Variants in CCDC92 observed in about 807,000 individuals in gnomAD.
CCDC92 encodes coiled-coil domain-containing protein 92.
Under a neutral mutation model 24.9 loss-of-function variants are expected in CCDC92, and 12 were observed. The observed-to-expected ratio is 0.48, with a 90% CI of 0.31 to 0.78. The LOEUF (loss-of-function observed/expected upper bound fraction) is 0.78, where lower values mean the gene tolerates loss of function less well. CCDC92 is among the 30% of genes least tolerant of loss of function. CCDC92 has a pLI of 0.05. For synonymous variants in CCDC92, 193 were observed against 196.3 expected, an observed-to-expected ratio of 0.98 and a Z score of 0.14; for missense variants, 399 against 439.4, an observed-to-expected ratio of 0.91 and a Z score of 0.82.
At chr12:123,947,883 C>T (rs1306578563) in intron 1 of CCDC92, among the ~76,000 whole-genome samples, 2 of 152,188 alleles carry the variant, frequency 1.3e-5, no homozygotes, top group Non-Finnish European at 2.9e-5. Context: ...TTTGTGTCCA[C>T]GCTGCTTTTA....
intron 1 of CCDC92, among the ~76,000 whole-genome samples, chr12:123,965,520 G>A (rs921753110): frequency 3.9e-5 from 6 of 152,144 alleles, no homozygotes; most frequent in Admixed American, 2.6e-4. Context: ...CATTTCTCAC[G>A]GCCCTCATGT....
intron 1 of CCDC92, among the ~76,000 whole-genome samples, chr12:123,959,300 A>G (rs1956220404): frequency 1.3e-5 from 2 of 152,046 alleles, no homozygotes; most frequent in African/African-American, 4.8e-5. Flanking sequence ...CAGCCACACC[A>G]AATGTCTGAC....
At chr12:123,954,841 C>T (rs911869704) in intron 1 of CCDC92, among the ~76,000 whole-genome samples, 1 of 152,336 alleles carries the variant, frequency 6.6e-6, no homozygotes, top group African/African-American at 2.4e-5. Flanking sequence ...GGCCAGCGGG[C>T]GGCAGACCCC....
intron 1 of CCDC92, chr12:123,945,805 T>C (rs1157163901): frequency 6.6e-6 from 1 of 152,260 alleles, no homozygotes; most frequent in Non-Finnish European, 1.5e-5. Flanking sequence ...TGTTGGCTGA[T>C]GGAAGAAGCA....
intron 1 of CCDC92, among the ~76,000 whole-genome samples, chr12:123,948,923 A>C (rs1955952424): frequency 6.6e-6 from 1 of 152,188 alleles, no homozygotes; most frequent in South Asian, 2.1e-4. Flanking sequence ...TGATGATGTC[A>C]TGCTCCCAGT....
chr12:123,971,711 GCATGAAAACCTA>G (rs1478835154), intron 1 of CCDC92: 2 of 152,268 alleles, frequency 1.3e-5, no homozygotes, highest in Non-Finnish European at 2.9e-5. Context: ...ATACAGGTCA[GCATGAAAACCTA>G]AGTTAGAGAA....
At chr12:123,944,029 C>T in intron 2 of CCDC92, 1 of 526,772 alleles carries the variant, frequency 1.9e-6, no homozygotes, top group Non-Finnish European at 3.3e-6. Context: ...ATGGGCCAAA[C>T]ATTTCCTCTA....
At position 123,937,008 on chromosome 12, in the gene CCDC92, C is replaced by T; in HGVS notation, c.*50G>A. ...ACAGAAAAGGTGTGGCTGAGATTTC[C>T]CAGTGGTGCTCACAGTGCATGGACA... On this transcript the variant is annotated 3_prime_UTR_variant, in exon 5 of 5. Coordinates refer to ENST00000238156, the MANE Select transcript of CCDC92 (RefSeq NM_025140.3). This position sits in a 1 kb window ranked among gnomAD's most constrained non-coding sequence, Gnocchi z 8.4. 1.2e-6 allele frequency: 2 copies of T among 1,600,536 alleles called. No individual in the cohort carries two copies. Among genetic ancestry groups the T allele is most frequent in the Non-Finnish European group, 1.7e-6 (2 of 1,172,024 alleles).
intron 1 of CCDC92, among the ~76,000 whole-genome samples, chr12:123,951,455 G>T (rs755779224): frequency 4.6e-5 from 7 of 152,186 alleles, no homozygotes; most frequent in Non-Finnish European, 8.8e-5. Flanking sequence ...TGGAAACAGG[G>T]TAATAATTTT....
intron 1 of CCDC92, chr12:123,956,190 T>C (rs528270979): frequency 6.6e-6 from 1 of 152,366 alleles, no homozygotes; most frequent in African/African-American, 2.4e-5. Context: ...TAATCAGATA[T>C]TTGTTGTTAT....
At chr12:123,960,344 T>C (rs1019043844) in intron 1 of CCDC92, among the ~76,000 whole-genome samples, 4 of 152,140 alleles carry the variant, frequency 2.6e-5, no homozygotes, top group African/African-American at 4.8e-5. Flanking sequence ...ATTGCCGTAA[T>C]GGGAAAGCTC....
intron 1 of CCDC92, among the ~76,000 whole-genome samples, chr12:123,955,772 C>G (rs1956136056): frequency 6.6e-6 from 1 of 152,146 alleles, no homozygotes; most frequent in African/African-American, 2.4e-5. Flanking sequence ...ATGCCAGACC[C>G]CTTACCTGGC....
chr12:123,966,391 T>C (rs1299920244), intron 1 of CCDC92: 1 of 152,232 alleles, frequency 6.6e-6, no homozygotes, highest in African/African-American at 2.4e-5. Context: ...CAGAGGCTTC[T>C]GGTTACATCC....
chr12:123,965,186 T>C (rs138933719), intron 1 of CCDC92, among the ~76,000 whole-genome samples: 1 of 152,332 alleles, frequency 6.6e-6, no homozygotes, highest in East Asian at 1.9e-4. Flanking sequence ...GCTAAATATA[T>C]TGCCAGTTAA....
Position 123,970,818 on chromosome 12 carries a change from C to CT in CCDC92, c.-60+1710dup, listed in dbSNP as rs572780445. Among the ~76,000 whole-genome samples the CT allele has an allele frequency of 6.6e-5, 10 of 152,224 alleles. No homozygotes were observed. The South Asian group carries it at 2.1e-3, about 32-fold the overall frequency. On this transcript the variant is annotated intron_variant, in intron 1 of 4. Coordinates refer to ENST00000238156, the MANE Select transcript of CCDC92 (RefSeq NM_025140.3). ...TTCTTGCCAGAAATACGAGAAAATG[C>CT]TTTTTTAACATAAGTATTTTTTAAA...
intron 4 of CCDC92, among the ~76,000 whole-genome samples, chr12:123,940,402 G>A (rs1955648001): frequency 6.6e-6 from 1 of 152,170 alleles, no homozygotes; most frequent in South Asian, 2.1e-4. Flanking sequence ...ATCTAGCTGT[G>A]CTGCCTCCTC....
intron 1 of CCDC92, chr12:123,962,633 CG>C (rs1466835719): frequency 6.5e-6 from 1 of 153,768 alleles, no homozygotes; most frequent in Non-Finnish European, 1.5e-5. Flanking sequence ...ATTCAGAAGG[CG>C]GAACAGGATG....
intron 1 of CCDC92, among the ~76,000 whole-genome samples, chr12:123,947,589 C>G (rs1009669804): frequency 6.6e-6 from 1 of 152,200 alleles, no homozygotes; most frequent in African/African-American, 2.4e-5. Flanking sequence ...TCTAGCTACT[C>G]TGGTGGGGCC....
chr12:123,942,993 C>T (rs1214120480), intron 3 of CCDC92, among the ~76,000 whole-genome samples: 1 of 152,110 alleles, frequency 6.6e-6, no homozygotes, highest in Non-Finnish European at 1.5e-5. Context: ...CCTCTGTTCC[C>T]CCAAACTCCC....
Sources: gnomAD v4.1 joint callset for allele counts (sites outside exome capture counted in the v4.1 genomes callset) on GRCh38, gnomAD v4.1.1 for gene constraint, Gnocchi (gnomAD v3.1) non-coding constraint, MANE v1.5 for transcripts, NCBI Gene and HGNC (gene_info 2026-07-23, HGNC 2026-07-21) for gene names.